The following ACBD6 variants were observed in gnomAD, a reference collection of about 807,000 sequenced individuals.
The protein encoded by ACBD6 is acyl-CoA binding domain containing 6.
Under a neutral mutation model 37.2 loss-of-function variants are expected in ACBD6, and 28 were observed. The observed-to-expected ratio is 0.75, with a 90% CI of 0.56 to 1.03. The LOEUF is 1.03. Among genes scored for constraint, ACBD6 ranks in the 50% least tolerant of loss-of-function variants. The pLI, the probability that ACBD6 is intolerant of heterozygous loss-of-function variation, is 0.00. For missense variants in ACBD6, 340 were observed against 337.4 expected (o/e 1.01, Z -0.06); for synonymous variants, 113 against 126.8 (o/e 0.89, Z 0.73).
Position 180,490,712 on chromosome 1 carries a change from G to A in ACBD6, c.384+1557C>T, listed in dbSNP as rs867666127. Among the ~76,000 whole-genome samples, 13 of 151,564 alleles carry A rather than the reference G, an allele frequency of 8.6e-5. No individual in the cohort carries two copies. In the South Asian group the frequency reaches 2.3e-3, roughly 27 times the overall value. On this transcript the variant is annotated intron_variant, in intron 3 of 7. Transcript: ENST00000367595. ...GAGGCAGGAGAATGGCGGGAACCCA[G>A]GAGGCAGAGCTTACAGTGAGCCGAG...
chr1:180,383,278 A>G (rs368489847), intron 6 of ACBD6, among the ~76,000 whole-genome samples: 6 of 152,196 alleles, frequency 3.9e-5, no homozygotes, highest in Non-Finnish European at 7.3e-5. Flanking sequence ...ATATGATCTT[A>G]TATCTAGAAA....
intron 6 of ACBD6, among the ~76,000 whole-genome samples, chr1:180,385,920 A>G (rs1653829843): frequency 6.6e-6 from 1 of 152,262 alleles, no homozygotes; most frequent in Admixed American, 6.5e-5. Context: ...CTGTAATCCC[A>G]GCACTTTGGG....
intron 6 of ACBD6, among the ~76,000 whole-genome samples, chr1:180,341,510 ATTTTCTGTATAGGT>A (rs1407745131): frequency 2.0e-5 from 3 of 151,888 alleles, no homozygotes; most frequent in African/African-American, 7.3e-5. Context: ...AGTTTTCCCT[ATTTTCTGTATAGGT>A]TCCATCAGGA....
At chr1:180,359,942 CATT>C (rs1435033904) in intron 6 of ACBD6, among the ~76,000 whole-genome samples, 4 of 152,114 alleles carry the variant, frequency 2.6e-5, no homozygotes, top group Non-Finnish European at 5.9e-5. Context: ...TTCCAGATAA[CATT>C]ATTATTTACT....
At chr1:180,291,444 A>G (rs2149278302) in intron 7 of ACBD6, among the ~76,000 whole-genome samples, 1 of 152,254 alleles carries the variant, frequency 6.6e-6, no homozygotes, top group Non-Finnish European at 1.5e-5. Flanking sequence ...TGTGATTTCT[A>G]ATCTGTACTT....
chr1:180,317,189 A>G (rs1479757750), intron 6 of ACBD6, among the ~76,000 whole-genome samples: 1 of 152,232 alleles, frequency 6.6e-6, no homozygotes, highest in Non-Finnish European at 1.5e-5. Flanking sequence ...CCCTATAAAT[A>G]CGTACAATTA....
At chr1:180,405,462 G>C (rs1014767511) in intron 5 of ACBD6, among the ~76,000 whole-genome samples, 9 of 152,202 alleles carry the variant, frequency 5.9e-5, no homozygotes, top group African/African-American at 2.2e-4. Flanking sequence ...CCCAGTGAAA[G>C]TGGAATTTGG....
chr1:180,444,286 C>CAAAAAAAAAAAAAAAAAAAAAAA (rs71719682), intron 3 of ACBD6, among the ~76,000 whole-genome samples: 1 of 114,772 alleles, frequency 8.7e-6, no homozygotes, highest in African/African-American at 3.1e-5. Context: ...TCCGTCTCTC[C>CAAAAAAAAAAAAAAAAAAAAAAA]AAAAAAAAAA....
intron 5 of ACBD6, among the ~76,000 whole-genome samples, chr1:180,398,008 G>T (rs1654326958): frequency 6.6e-6 from 1 of 151,978 alleles, no homozygotes; most frequent in African/African-American, 2.4e-5. Context: ...GGCCGAGATT[G>T]TACCACTGCA....
intron 6 of ACBD6, among the ~76,000 whole-genome samples, chr1:180,390,698 C>G (rs1485226518): frequency 6.6e-6 from 1 of 152,114 alleles, no homozygotes; most frequent in Non-Finnish European, 1.5e-5. Context: ...GTTTGTAGTT[C>G]TACTTGAAGA....
chr1:180,357,067 C>T (rs6695360), intron 6 of ACBD6, among the ~76,000 whole-genome samples: 144,496 of 152,250 alleles, frequency 0.95, 68,614 homozygotes, highest in East Asian at 0.98. Flanking sequence ...CACAAGATAT[C>T]GACAGCATAA....
chr1:180,399,001 C>T (rs1203305752), intron 5 of ACBD6, among the ~76,000 whole-genome samples: 1 of 152,144 alleles, frequency 6.6e-6, no homozygotes, highest in Non-Finnish European at 1.5e-5. Context: ...CCTATTATTT[C>T]AAATAATTAA....
At chr1:180,388,898 G>A (rs1019562057) in intron 6 of ACBD6, among the ~76,000 whole-genome samples, 2 of 152,110 alleles carry the variant, frequency 1.3e-5, no homozygotes, top group African/African-American at 4.8e-5. Context: ...AACATCAAAT[G>A]AAAGAAATTA....
chr1:180,434,911 T>C (rs1455112246), intron 3 of ACBD6: 1 of 776,136 alleles, frequency 1.3e-6, no homozygotes, highest in Non-Finnish European at 2.4e-6. Context: ...GAATTGGAAT[T>C]TACAAGCTCA....
chr1:180,389,790 T>G (rs1376578422), intron 6 of ACBD6, among the ~76,000 whole-genome samples: 1 of 152,258 alleles, frequency 6.6e-6, no homozygotes, highest in Admixed American at 6.5e-5. Flanking sequence ...TTTGGCTGCA[T>G]AAATGACTTC....
intron 7 of ACBD6, among the ~76,000 whole-genome samples, chr1:180,301,991 T>A (rs79734983): frequency 0.011 from 1,736 of 152,106 alleles, 40 homozygotes; most frequent in African/African-American, 0.039. Context: ...CGGTCTGTGT[T>A]TGAGTGTATA....
At chr1:180,330,294 C>T (rs1651429418) in intron 6 of ACBD6, among the ~76,000 whole-genome samples, 1 of 150,694 alleles carries the variant, frequency 6.6e-6, no homozygotes, top group Non-Finnish European at 1.5e-5. Context: ...GCGGTGCACA[C>T]CTCTGGTCCC....
intron 5 of ACBD6, among the ~76,000 whole-genome samples, chr1:180,402,533 A>G (rs1283640191): frequency 6.6e-6 from 1 of 152,178 alleles, no homozygotes; most frequent in Non-Finnish European, 1.5e-5. Flanking sequence ...ACTTTAAAAA[A>G]TCTGGCTGGG....
chr1:180,436,456 C>T (rs1430323682), intron 3 of ACBD6, among the ~76,000 whole-genome samples: 1 of 152,116 alleles, frequency 6.6e-6, no homozygotes, highest in Non-Finnish European at 1.5e-5. Flanking sequence ...GGTGTGGTCA[C>T]GATTCTTTTG....
Sources: allele counts gnomAD v4.1 joint callset (sites outside exome capture counted in the v4.1 genomes callset), GRCh38; gene constraint gnomAD v4.1.1; transcripts MANE v1.5; gene names NCBI Gene and HGNC (gene_info 2026-07-23, HGNC 2026-07-21).